ATXN2L: variants seen among roughly 807,000 people sequenced by gnomAD.
ATXN2L encodes the protein ataxin 2 like, also known as ataxin-2-like protein.
ATXN2L carries 24 observed loss-of-function variants against 120.7 expected under a neutral mutation model. The observed-to-expected ratio is 0.20, with a 90% CI of 0.14 to 0.28. The LOEUF (loss-of-function observed/expected upper bound fraction) is 0.28, where lower values mean the gene tolerates loss of function less well. ATXN2L is among the 10% of genes least tolerant of loss of function. ATXN2L has a pLI of 1.00. For missense variants in ATXN2L, 1,312 were observed against 1,432.3 expected, an observed-to-expected ratio of 0.92 and a Z score of 1.36; for synonymous variants, 653 against 568.1, an observed-to-expected ratio of 1.15 and a Z score of -2.13.
chr16:28,824,673 G>A (rs2051133377), intron 1 of ATXN2L: 3 of 984,020 alleles, frequency 3.0e-6, no homozygotes, highest in South Asian at 1.8e-5. Flanking sequence ...TAATGTACCT[G>A]AGCTAGGTAG....
intron 6 of ATXN2L, among the ~76,000 whole-genome samples, chr16:28,827,731 T>C (rs1478010504): frequency 6.6e-6 from 1 of 152,032 alleles, no homozygotes; most frequent in East Asian, 1.9e-4. Flanking sequence ...ACAGTGAGGA[T>C]GTCTCAAAAA....
In ATXN2L at chr16:28,835,678, T is replaced by C. The variant is rs1233204243; in HGVS notation, c.2815T>C (p.Phe939Leu). The change falls in exon 21 of 22, where the codon TTC becomes CTC. Residue 939 changes from phenylalanine to leucine, a missense_variant. Physicochemically the swap from Phe to Leu is conservative, Grantham distance 22. Transcript: ENST00000336783. The part of the protein sequence containing the change: ...GPSAQSPQSS[F>L]PQPAAVYAIH... Reference sequence around the variant, plus strand: ...TTCTGCCCAGTCCCCTCAGAGCAGCTTCCCCCAGCCAGCCGCTGTGTATGC... The same window carrying C: ...TTCTGCCCAGTCCCCTCAGAGCAGCCTCCCCCAGCCAGCCGCTGTGTATGC... 1 of 1,613,702 alleles carries C rather than the reference T, an allele frequency of 6.2e-7. No individual in the cohort carries two copies. Among genetic ancestry groups the C allele is most frequent in the African/African-American group, 1.3e-5 (1 of 74,806 alleles).
At position 28,832,224 on chromosome 16, in the gene ATXN2L, G is replaced by A. The variant is rs200635955; in HGVS notation, c.1341G>A (p.Pro447=). The A allele has an allele frequency of 1.4e-4, 219 of 1,613,976 alleles. 1 individual carries two copies. Among genetic ancestry groups the A allele is most frequent in the Middle Eastern group, 4.9e-4 (3 of 6,062 alleles). ...PPPAVGRMYP[P]RSPKSAAPAP... is the part of the protein sequence containing the mutation. Reference sequence around the variant, plus strand: ...TTCCAGTGGGCCGGATGTATCCCCCGCGTTCTCCCAAGTCTGCTGCCCCTG... The same window carrying A: ...TTCCAGTGGGCCGGATGTATCCCCCACGTTCTCCCAAGTCTGCTGCCCCTG... The change falls in exon 11 of 22, where the codon CCG becomes CCA. Residue 447 remains proline (P), a synonymous_variant. Transcript: ENST00000336783.
chr16:28,825,956 AG>A (rs778760662), intron 4 of ATXN2L, 115 bp downstream of exon 4: 8 of 1,082,502 alleles, frequency 7.4e-6, no homozygotes, highest in Non-Finnish European at 1.1e-5. Context: ...TTGTTTCTGT[AG>A]GCCTGTGCTG....
intron 9 of ATXN2L, 31 bp downstream of exon 9, chr16:28,830,821 G>T (rs1447457700): frequency 6.4e-7 from 1 of 1,568,362 alleles, no homozygotes; most frequent in South Asian, 1.2e-5. Flanking sequence ...GAGGAAGAGG[G>T]CAGGGAAGGG....
chr16:28,825,660 C>T lies in ATXN2L; in HGVS notation c.373C>T (p.His125Tyr). The T allele has an allele frequency of 6.2e-7, 1 of 1,614,202 alleles. No individual in the cohort carries two copies. The highest frequency in any genetic ancestry group is 1.1e-5 in the South Asian group (1 of 91,084). Residue 125 changes from histidine to tyrosine, a missense_variant, in exon 3 of 22, where the codon CAT becomes TAT. Coordinates refer to ENST00000336783, the MANE Select transcript of ATXN2L (RefSeq NM_007245.4). ...EGVYNNSRML[H>Y]FLTAVVGSTC... ...CGTCTACAACAATTCCAGAATGCTG[C>T]ATTTCCTTACAGCTGTTGTGGTAAG...
chr16:28,834,848 C>T, intron 18 of ATXN2L, 155 bp downstream of exon 18: 3 of 1,180,980 alleles, frequency 2.5e-6, no homozygotes, highest in Middle Eastern at 5.6e-4. Flanking sequence ...GGCTTGAGCC[C>T]TGGCTCTGGT....
At position 28,829,988 on chromosome 16, in the gene ATXN2L, A is replaced by G. The variant is rs2053736883; in HGVS notation, c.964A>G (p.Thr322Ala). The change falls in exon 8 of 22, where the codon ACT (threonine) becomes GCT (alanine). Residue 322 changes from threonine to alanine, a missense_variant. Physicochemically the swap from Thr to Ala is moderately conservative, Grantham distance 58. Transcript: ENST00000336783. ...RIAMENDDGRTEEEKHSAVQR... is the reference protein window; with the variant it reads ...RIAMENDDGRAEEEKHSAVQR... ...CGCCATGGAGAACGACGATGGGCGC[A>G]CTGAAGAGGAGAAGCACAGTGCAGT... The G allele has an allele frequency of 6.2e-7, 1 of 1,614,230 alleles. No individual in the cohort carries two copies. The highest frequency in any genetic ancestry group is 2.2e-5 in the East Asian group (1 of 44,880).
At chr16:28,824,457 G>C in intron 1 of ATXN2L, 5 of 1,287,388 alleles carry the variant, frequency 3.9e-6, no homozygotes, top group Non-Finnish European at 5.1e-6. Flanking sequence ...CCCCAGCCCC[G>C]CCAGCGGCCC....
At chr16:28,830,498 C>T in intron 8 of ATXN2L, 117 bp from the exon 9 acceptor site, 1 of 978,606 alleles carries the variant, frequency 1.0e-6, no homozygotes, top group Non-Finnish European at 1.5e-6. Context: ...GTGCTGGAGC[C>T]AGGCAGTGTG....
rs1213920789 is a variant in ATXN2L, at chr16:28,836,980, C to T, written c.*715C>T. On this transcript the variant is annotated 3_prime_UTR_variant, in exon 22 of 22. Transcript: ENST00000336783. ...CCAGCAGGGGTGGGGGGTTCCTGCT[C>T]TGCCCCTGCCCGTCCCCACCCAGTC... 1.3e-5 allele frequency: 9 copies of T among 668,116 alleles called. No homozygotes were observed. Among genetic ancestry groups the T allele is most frequent in the Non-Finnish European group, 2.2e-5 (8 of 371,944 alleles). The allele number at this position is 668,116 out of a possible 1,614,324, so 41.4% of individuals were successfully genotyped here.
chr16:28,831,107 T>G (rs1363785425), intron 10 of ATXN2L, 35 bp downstream of exon 10: 1 of 1,393,266 alleles, frequency 7.2e-7, no homozygotes, highest in African/African-American at 1.4e-5. Flanking sequence ...AAGAAATGGA[T>G]GGAAATTTGT....
chr16:28,823,410 C>T lies in ATXN2L; in HGVS notation c.151C>T (p.Pro51Ser). Reference sequence around the variant, plus strand: ...GGCCACCTCTGCGGCTCCTCCCGGGCCTCCAGCGGCCGCCTCCCCCTGCCT... The same window carrying T: ...GGCCACCTCTGCGGCTCCTCCCGGGTCTCCAGCGGCCGCCTCCCCCTGCCT... ...PLATSAAPPG[P>S]PAAASPCLGP... The change falls in exon 1 of 22, where the codon CCT (proline) becomes TCT (serine). Residue 51 changes from proline (P) to serine (S), a missense_variant. Coordinates refer to ENST00000336783, the MANE Select transcript of ATXN2L (RefSeq NM_007245.4). 5 of 1,309,444 alleles carry T rather than the reference C, an allele frequency of 3.8e-6. No individual in the cohort carries two copies. Among genetic ancestry groups the T allele is most frequent in the Non-Finnish European group, 4.8e-6 (5 of 1,033,234 alleles). 81.1% of individuals were successfully genotyped at this position (1,309,444 alleles called of 1,614,324 possible).
rs761414330 is a variant in ATXN2L at position 28,836,837 on chromosome 16, C to T, written c.*572C>T. 1.3e-5 allele frequency: 21 copies of T among 1,604,880 alleles called. No individual in the cohort carries two copies. The highest frequency in any genetic ancestry group is 1.6e-5 in the Non-Finnish European group (19 of 1,172,856). On this transcript the variant is annotated 3_prime_UTR_variant, in exon 22 of 22. Transcript: ENST00000336783. ...GTGGAGGGAAGAGTGATCTATGTCT[C>T]TTCCCCCAGCAGCTCGGACCACTCC... is the stretch of plus-strand genomic sequence containing the variant.
intron 5 of ATXN2L, 96 bp downstream of exon 5, chr16:28,826,486 G>GT (rs879179403): frequency 1.9e-5 from 26 of 1,397,286 alleles, no homozygotes; most frequent in South Asian, 1.4e-4. Flanking sequence ...TGTTTGGTTT[G>GT]TTTTTTTGTT....
chr16:28,834,471 G>A (rs761121555), intron 17 of ATXN2L, 35 bp from the exon 18 acceptor site: 2 of 1,613,370 alleles, frequency 1.2e-6, no homozygotes, highest in Middle Eastern at 1.7e-4. Flanking sequence ...ACTGGCAGGT[G>A]GAGCTTGAGC....
chr16:28,823,153 C>A lies in ATXN2L; in HGVS notation c.-107C>A. ...GCTCCCCCCGCCCGCCCACGGCGGG[C>A]CCCGGCTGCCCGATCCCCCTCGCTT... On this transcript the variant is annotated 5_prime_UTR_variant, in exon 1 of 22. Coordinates refer to ENST00000336783, the MANE Select transcript of ATXN2L (RefSeq NM_007245.4). The A allele has an allele frequency of 1.7e-6, 1 of 604,898 alleles. No homozygotes were observed. Among genetic ancestry groups the A allele is most frequent in the Admixed American group, 5.0e-5 (1 of 19,980 alleles). 37.5% of individuals were successfully genotyped at this position (604,898 alleles called of 1,614,324 possible). A position where few individuals can be genotyped will look rare whatever the true frequency, so the allele number is the denominator to read the frequency against.
At chr16:28,826,786 G>C in intron 5 of ATXN2L, 76 bp from the exon 6 acceptor site, 1 of 1,457,502 alleles carries the variant, frequency 6.9e-7, no homozygotes, top group African/African-American at 1.4e-5. Context: ...TACTTACGGA[G>C]AGTGGGGTTG....
At position 28,835,143 on chromosome 16, in the gene ATXN2L, C is replaced by A; in HGVS notation, c.2519C>A (p.Pro840His). The change falls in exon 19 of 22, where the codon CCT becomes CAT. Residue 840 changes from proline (P) to histidine (H), a missense_variant. Transcript: ENST00000336783. ...HPQAIVSSST[P>H]QYPSAEQPTP... ...CAGGCCATCGTGTCATCCTCTACCC[C>A]TCAGTACCCTTCTGCAGAGCAGCCT... 1 of 1,613,940 alleles carries A rather than the reference C, an allele frequency of 6.2e-7. No individual in the cohort carries two copies. The highest frequency in any genetic ancestry group is 8.5e-7 in the Non-Finnish European group (1 of 1,179,902).
Sources: gnomAD v4.1 joint callset for allele counts (sites outside exome capture counted in the v4.1 genomes callset) on GRCh38, gnomAD v4.1.1 for gene constraint, MANE v1.5 for transcripts, NCBI Gene and HGNC (gene_info 2026-07-23, HGNC 2026-07-21) for gene names.